The following SLC25A26 variants were observed in gnomAD, a reference collection of about 807,000 sequenced individuals.
The protein encoded by SLC25A26 is mitochondrial S-adenosylmethionine carrier protein.
SLC25A26 carries 36 observed loss-of-function variants against 37.8 expected under a neutral mutation model. The ratio of observed to expected loss-of-function variants is 0.95; its 90% CI spans 0.73 to 1.26. SLC25A26 has a LOEUF of 1.26. Among genes scored for constraint, SLC25A26 ranks in the 50% most tolerant of loss-of-function variants. The pLI is 0.00. For synonymous variants in SLC25A26, 129 were observed against 122.5 expected (o/e 1.05, Z -0.35); for missense variants, 390 against 331.1 (o/e 1.18, Z -1.38).
At chr3:66,158,307 A>G (rs1346668407) in intron 1 of SLC25A26, among the ~76,000 whole-genome samples, 1 of 152,206 alleles carries the variant, frequency 6.6e-6, no homozygotes, top group Non-Finnish European at 1.5e-5. Context: ...ATAGCTTAAT[A>G]ATATTCCGTT....
intron 5 of SLC25A26, among the ~76,000 whole-genome samples, chr3:66,333,675 T>TA (rs1253237502): frequency 6.6e-6 from 1 of 152,132 alleles, no homozygotes; most frequent in Non-Finnish European, 1.5e-5. Flanking sequence ...TTTTGGCCTC[T>TA]AATGATTCAA....
At chr3:66,179,279 G>A (rs938580900) in intron 1 of SLC25A26, among the ~76,000 whole-genome samples, 3 of 152,256 alleles carry the variant, frequency 2.0e-5, no homozygotes, top group South Asian at 4.1e-4. Flanking sequence ...CAAAATTGCC[G>A]ATTTGATATT....
chr3:66,332,193 C>T (rs2075991933), intron 5 of SLC25A26, among the ~76,000 whole-genome samples: 1 of 152,140 alleles, frequency 6.6e-6, no homozygotes, highest in Non-Finnish European at 1.5e-5. Context: ...CTACCTCTGC[C>T]TCCCAAAGTG....
At chr3:66,280,051 T>G (rs745314267) in intron 5 of SLC25A26, among the ~76,000 whole-genome samples, 6 of 152,240 alleles carry the variant, frequency 3.9e-5, no homozygotes, top group Non-Finnish European at 8.8e-5. Context: ...TAGACTCTGC[T>G]GATTTATCTT....
At chr3:66,324,055 C>CA (rs2075768806) in intron 5 of SLC25A26, 1 of 152,116 alleles carries the variant, frequency 6.6e-6, no homozygotes, top group Non-Finnish European at 1.5e-5. Context: ...AGGTTGGAAA[C>CA]AGAGTAGGTC....
At chr3:66,345,419 A>G (rs771544446) in intron 5 of SLC25A26, among the ~76,000 whole-genome samples, 7 of 148,312 alleles carry the variant, frequency 4.7e-5, no homozygotes, top group South Asian at 2.2e-4. Flanking sequence ...CCCTCTCTCC[A>G]GTCTCCTCCC....
chr3:66,153,633 C>A (rs1559552930), intron 1 of SLC25A26, among the ~76,000 whole-genome samples: 1 of 152,184 alleles, frequency 6.6e-6, no homozygotes, highest in Non-Finnish European at 1.5e-5. Flanking sequence ...CAGGCAAAGT[C>A]CAGAAATAGC....
In SLC25A26 at chr3:66,274,952, G is replaced by A. The variant is rs368302873; in HGVS notation, c.453+11573G>A. Among the ~76,000 whole-genome samples the A allele has an allele frequency of 4.8e-3, 730 of 152,036 alleles. 11 individuals are homozygous for A. Among genetic ancestry groups the A allele is most frequent in the African/African-American group, 0.013 (537 of 41,446 alleles). Reference sequence around the variant, plus strand: ...TGCTGCTATAAAGACACATGCAAACGTATGTTTATTGCGGCACTATTCACA... The same window carrying A: ...TGCTGCTATAAAGACACATGCAAACATATGTTTATTGCGGCACTATTCACA... On this transcript the variant is annotated intron_variant, in intron 5 of 9. Transcript: ENST00000354883.
intron 1 of SLC25A26, among the ~76,000 whole-genome samples, chr3:66,232,912 G>A (rs2106980250): frequency 6.6e-6 from 1 of 152,330 alleles, no homozygotes; most frequent in Non-Finnish European, 1.5e-5. Context: ...TGGGGAAGAC[G>A]ACAGGTATGT....
intron 5 of SLC25A26, among the ~76,000 whole-genome samples, chr3:66,316,520 G>T (rs1017823394): frequency 4.6e-5 from 7 of 152,046 alleles, no homozygotes; most frequent in Non-Finnish European, 1.0e-4. Flanking sequence ...AGAGATGAGC[G>T]GCCTTTCTCT....
intron 3 of SLC25A26, among the ~76,000 whole-genome samples, chr3:66,256,664 G>A (rs566794084): frequency 6.6e-6 from 1 of 152,280 alleles, no homozygotes; most frequent in African/African-American, 2.4e-5. Flanking sequence ...GGGAGGTTGA[G>A]GCAGGTGGAT....
intron 1 of SLC25A26, among the ~76,000 whole-genome samples, chr3:66,163,908 T>C (rs553547800): frequency 1.3e-5 from 2 of 152,370 alleles, no homozygotes; most frequent in Non-Finnish European, 2.9e-5. Flanking sequence ...ACATTTTGTT[T>C]GTTACATCTG....
At chr3:66,162,946 G>A (rs989299035) in intron 1 of SLC25A26, among the ~76,000 whole-genome samples, 1 of 152,200 alleles carries the variant, frequency 6.6e-6, no homozygotes, top group African/African-American at 2.4e-5. Flanking sequence ...GCCACAGAGC[G>A]AGCAAAGGGT....
At chr3:66,253,023 G>GCCCCC (rs33979268) in intron 3 of SLC25A26, among the ~76,000 whole-genome samples, 7 of 106,744 alleles carry the variant, frequency 6.6e-5, no homozygotes, top group African/African-American at 2.4e-4. Flanking sequence ...GCAAAATAAT[G>GCCCCC]CCCCCCCCCC....
chr3:66,356,802 A>T (rs2076586981), intron 6 of SLC25A26, among the ~76,000 whole-genome samples: 1 of 151,746 alleles, frequency 6.6e-6, no homozygotes, highest in Admixed American at 6.6e-5. Context: ...TAATTTTTAA[A>T]TTTTTTTGTA....
intron 1 of SLC25A26, among the ~76,000 whole-genome samples, chr3:66,233,729 G>C (rs1216402546): frequency 1.3e-5 from 2 of 152,034 alleles, no homozygotes; most frequent in Admixed American, 1.3e-4. Flanking sequence ...GAATTTAAAT[G>C]ACATTTGAGT....
intron 5 of SLC25A26, among the ~76,000 whole-genome samples, chr3:66,346,013 T>C (rs2076313782): frequency 1.3e-5 from 2 of 152,118 alleles, no homozygotes; most frequent in Admixed American, 6.6e-5. Flanking sequence ...GGCAACATGG[T>C]GAAACCCCAT....
In SLC25A26 at chr3:66,317,810, A is replaced by G. The variant is rs958459994; in HGVS notation, c.454-28554A>G. Among the ~76,000 whole-genome samples, 4 of 152,108 alleles carry G rather than the reference A, an allele frequency of 2.6e-5. 1 individual carries two copies. Among genetic ancestry groups the G allele is most frequent in the African/African-American group, 9.7e-5 (4 of 41,436 alleles). ...TCTGTCCATAAACCCCTGGCTGGGG[A>G]TGCTGAAATTCCCACAGGGAGGCAC... On this transcript the variant is annotated intron_variant, in intron 5 of 9. Transcript: ENST00000354883.
chr3:66,275,588 A>G (rs2074113639), intron 5 of SLC25A26, among the ~76,000 whole-genome samples: 1 of 152,068 alleles, frequency 6.6e-6, no homozygotes. Context: ...AAAGCAGACC[A>G]GTTTTAAGTA....
Sources: allele counts gnomAD v4.1 joint callset (sites outside exome capture counted in the v4.1 genomes callset), GRCh38; gene constraint gnomAD v4.1.1; transcripts MANE v1.5; gene names NCBI Gene and HGNC (gene_info 2026-07-23, HGNC 2026-07-21).